NUBPL: variants seen among roughly 807,000 people sequenced by gnomAD.
The protein encoded by NUBPL is iron-sulfur cluster transfer protein NUBPL.
A neutral mutation model predicts 45.7 loss-of-function variants in NUBPL; 31 were observed. The ratio of observed to expected loss-of-function variants is 0.68; its 90% CI spans 0.51 to 0.92. The LOEUF is 0.92. Ranked by LOEUF, NUBPL falls within the 40% of genes least tolerant of loss-of-function variation. The pLI is 0.00. For synonymous variants in NUBPL, 144 were observed against 140.9 expected (o/e 1.02, Z -0.15); for missense variants, 401 against 398.7 (o/e 1.01, Z -0.05).
chr14:31,727,502 G>A (rs1225542029), intron 6 of NUBPL, among the ~76,000 whole-genome samples: 1 of 152,136 alleles, frequency 6.6e-6, no homozygotes, highest in African/African-American at 2.4e-5. Context: ...AGAAAGCTGA[G>A]CAGGTGATCA....
chr14:31,576,499 C>T lies in NUBPL; in HGVS notation c.291+11451C>T, dbSNP rs77419167. ...TGGTCTGAAACTCTTGGGCTTAAGT[C>T]GTCTTCCTCCTTTAGCCTCACAAAG... On this transcript the variant is annotated intron_variant, in intron 3 of 10. Coordinates refer to ENST00000281081, the MANE Select transcript of NUBPL (RefSeq NM_025152.3). 2.8e-4 allele frequency among the ~76,000 whole-genome samples: 42 copies of T among 152,234 alleles called. No homozygotes were observed. The East Asian group carries it at 6.6e-3, about 24-fold the overall frequency.
At chr14:31,724,994 T>A (rs1231348927) in intron 6 of NUBPL, among the ~76,000 whole-genome samples, 1 of 151,752 alleles carries the variant, frequency 6.6e-6, no homozygotes, top group East Asian at 1.9e-4. Flanking sequence ...AAGTGTCAAG[T>A]GAGCAAGGAA....
At chr14:31,745,383 A>C (rs1036594663) in intron 6 of NUBPL, among the ~76,000 whole-genome samples, 7 of 152,124 alleles carry the variant, frequency 4.6e-5, no homozygotes, top group Admixed American at 3.9e-4. Context: ...ACATGGACTC[A>C]TCCTTTTTTA....
chr14:31,852,801 A>C (rs1482229520), intron 10 of NUBPL, among the ~76,000 whole-genome samples: 3 of 152,194 alleles, frequency 2.0e-5, no homozygotes, highest in African/African-American at 7.2e-5. Context: ...AGAATCCTCC[A>C]GTTAGTCTTG....
At chr14:31,641,277 A>G (rs185571261) in intron 4 of NUBPL, among the ~76,000 whole-genome samples, 11 of 152,170 alleles carry the variant, frequency 7.2e-5, no homozygotes, top group African/African-American at 1.4e-4. Flanking sequence ...ATAACTGTGT[A>G]TTTATTTGTA....
intron 4 of NUBPL, among the ~76,000 whole-genome samples, chr14:31,656,627 A>G (rs1474717384): frequency 6.6e-6 from 1 of 152,150 alleles, no homozygotes; most frequent in African/African-American, 2.4e-5. Context: ...AGCAGTCAGA[A>G]CACACACACA....
rs371415587 is a variant in NUBPL, at chr14:31,859,419, A to G, written c.*239A>G. ...GTGTGTACCACCTGCAAAGAACTGC[A>G]TTTTATTTTATTGAATTACCCCTTT... On this transcript the variant is annotated 3_prime_UTR_variant, in exon 11 of 11. Coordinates refer to ENST00000281081, the MANE Select transcript of NUBPL (RefSeq NM_025152.3). The G allele has an allele frequency of 1.9e-6, 1 of 520,196 alleles. No homozygotes were observed. The highest frequency in any genetic ancestry group is 3.5e-6 in the Non-Finnish European group (1 of 287,366). The allele number at this position is 520,196 out of a possible 1,614,324, so 32.2% of individuals were successfully genotyped here.
rs1294001646 is a variant in NUBPL, at chr14:31,861,049, G to A, written c.*1869G>A. On this transcript the variant is annotated 3_prime_UTR_variant, in exon 11 of 11. Coordinates refer to ENST00000281081, the MANE Select transcript of NUBPL (RefSeq NM_025152.3). Reference sequence around the variant, plus strand: ...GAGGGATCCTTGTGATGATGGAAATGTTCTATATCACAGCTATCGATGTCA... The same window carrying A: ...GAGGGATCCTTGTGATGATGGAAATATTCTATATCACAGCTATCGATGTCA... 1 of 152,100 alleles carries A rather than the reference G, an allele frequency of 6.6e-6. No individual in the cohort carries two copies. The highest frequency in any genetic ancestry group is 1.5e-5 in the Non-Finnish European group (1 of 68,034). 9.4% of individuals were successfully genotyped at this position (152,100 alleles called of 1,614,324 possible). A position where few individuals can be genotyped will look rare whatever the true frequency, so the allele number is the denominator to read the frequency against.
chr14:31,659,088 A>G (rs893281043), intron 4 of NUBPL, among the ~76,000 whole-genome samples: 2 of 152,174 alleles, frequency 1.3e-5, no homozygotes, highest in Admixed American at 1.3e-4. Context: ...GCTGAGGATA[A>G]CCTTGACTTT....
chr14:31,620,980 C>T (rs910544400), intron 4 of NUBPL, among the ~76,000 whole-genome samples: 1 of 152,122 alleles, frequency 6.6e-6, no homozygotes, highest in Non-Finnish European at 1.5e-5. Context: ...GATGCCCTGC[C>T]CAGAGAGGAG....
intron 4 of NUBPL, among the ~76,000 whole-genome samples, chr14:31,640,892 G>A (rs1346143366): frequency 6.6e-6 from 1 of 152,012 alleles, no homozygotes; most frequent in Non-Finnish European, 1.5e-5. Context: ...ATTGATTAAT[G>A]TTAACTGTAG....
intron 4 of NUBPL, among the ~76,000 whole-genome samples, chr14:31,643,156 T>C (rs2035752901): frequency 6.6e-6 from 1 of 152,192 alleles, no homozygotes. Context: ...CTCTTTCTCT[T>C]GCCTCATTGC....
At chr14:31,672,273 A>ATGTGTGTGTGTG (rs3035682) in intron 4 of NUBPL, among the ~76,000 whole-genome samples, 21 of 148,214 alleles carry the variant, frequency 1.4e-4, no homozygotes, top group South Asian at 4.3e-4. Context: ...CTGATTAGAT[A>ATGTGTGTGTGTG]TGTGTGTGTG....
rs1037714853 is a variant in NUBPL at position 31,726,872 on chromosome 14, T to A, written c.513+53298T>A. Among the ~76,000 whole-genome samples, 9 of 152,274 alleles carry A rather than the reference T, an allele frequency of 5.9e-5. No individual in the cohort carries two copies. In the East Asian group the frequency reaches 1.7e-3, roughly 29 times the overall value. ...CACTATCAATGTTTTGAGCTGATGATGCTTTGTCTTGAAGGGGCTGTCCTG... is the reference window on the plus strand; with the variant it reads ...CACTATCAATGTTTTGAGCTGATGAAGCTTTGTCTTGAAGGGGCTGTCCTG... On this transcript the variant is annotated intron_variant, in intron 6 of 10. Coordinates refer to ENST00000281081, the MANE Select transcript of NUBPL (RefSeq NM_025152.3).
intron 6 of NUBPL, among the ~76,000 whole-genome samples, chr14:31,738,841 C>T (rs1298737414): frequency 6.6e-6 from 1 of 151,936 alleles, no homozygotes; most frequent in African/African-American, 2.4e-5. Flanking sequence ...TAGGTATATC[C>T]ATTCCCTGTT....
intron 4 of NUBPL, among the ~76,000 whole-genome samples, chr14:31,639,629 A>G (rs575942005): frequency 2.0e-5 from 3 of 152,316 alleles, no homozygotes; most frequent in African/African-American, 7.2e-5. Context: ...AGACAGGGAC[A>G]TTTAAGTCTG....
intron 6 of NUBPL, among the ~76,000 whole-genome samples, chr14:31,743,671 C>T (rs900135223): frequency 5.3e-5 from 8 of 152,128 alleles, no homozygotes; most frequent in African/African-American, 9.7e-5. Context: ...TGAGCCACTG[C>T]GCTTAGCCGG....
At chr14:31,857,115 G>A (rs1487933749) in intron 10 of NUBPL, among the ~76,000 whole-genome samples, 2 of 152,164 alleles carry the variant, frequency 1.3e-5, no homozygotes, top group Admixed American at 6.5e-5. Flanking sequence ...TGAAATCTAG[G>A]TGGAGGTTCC....
intron 4 of NUBPL, chr14:31,654,047 A>C (rs1269799124): frequency 2.2e-6 from 1 of 452,518 alleles, no homozygotes; most frequent in Non-Finnish European, 4.4e-6. Context: ...ACTAACACCA[A>C]ACTTCATACT....
Sources: gnomAD v4.1 joint callset for allele counts (sites outside exome capture counted in the v4.1 genomes callset) on GRCh38, gnomAD v4.1.1 for gene constraint, MANE v1.5 for transcripts, NCBI Gene and HGNC (gene_info 2026-07-23, HGNC 2026-07-21) for gene names.